The following BIRC3 variants were observed in gnomAD, a reference collection of about 807,000 sequenced individuals.
BIRC3 encodes baculoviral IAP repeat containing 3.
Under a neutral mutation model 59.0 loss-of-function variants are expected in BIRC3, and 26 were observed. The ratio of observed to expected loss-of-function variants is 0.44; its 90% CI spans 0.32 to 0.61. The LOEUF (loss-of-function observed/expected upper bound fraction) is 0.61, where lower values mean the gene tolerates loss of function less well. Ranked by LOEUF, BIRC3 falls within the 20% of genes least tolerant of loss-of-function variation. BIRC3 has a pLI of 0.04. For synonymous variants in BIRC3, 243 were observed against 249.2 expected (o/e 0.98, Z 0.24); for missense variants, 641 against 711.5 (o/e 0.90, Z 1.13).
At chr11:102,317,983 G>A (rs551090019) in intron 1 of BIRC3, among the ~76,000 whole-genome samples, 1 of 152,308 alleles carries the variant, frequency 6.6e-6, no homozygotes, top group South Asian at 2.1e-4. Flanking sequence ...TTTCCAAGCG[G>A]TGGTAGGAAG....
chr11:102,336,124 C>A lies in BIRC3; in HGVS notation c.1483C>A (p.Leu495Met). The A allele has an allele frequency of 6.2e-7, 1 of 1,613,808 alleles. No homozygotes were observed. The highest frequency in any genetic ancestry group is 8.5e-7 in the Non-Finnish European group (1 of 1,179,882). Residue 495 changes from leucine to methionine, a missense_variant, in exon 7 of 9, where the codon CTG becomes ATG. By Grantham distance (15) the Leu-to-Met change is conservative. Around this residue, in one of 4 missense-constraint regions of BIRC3, gnomAD observed 268 missense variants for 255.7 expected, o/e 1.05. Coordinates refer to ENST00000263464, the MANE Select transcript of BIRC3 (RefSeq NM_001165.5). ...ACAGACGTCTTTACAAGCAAGAGAACTGATTGATACGATTTTAGTAAAAGG... is the reference window on the plus strand; with the variant it reads ...ACAGACGTCTTTACAAGCAAGAGAAATGATTGATACGATTTTAGTAAAAGG... ...KTQTSLQARE[L>M]IDTILVKGNI...
chr11:102,326,674 A>T (rs1322181627), intron 3 of BIRC3: 1 of 453,980 alleles, frequency 2.2e-6, no homozygotes, highest in Non-Finnish European at 4.4e-6. Context: ...ATATCGATTA[A>T]TAAATGTGGC....
In BIRC3 at chr11:102,338,596, G is replaced by A. The variant is rs1951222935; in HGVS notation, c.*1494G>A. Reference sequence around the variant, plus strand: ...TAGACACAGGTTGGGGACCCAGCAAGGCCTGTCTGTTCAGATTATTCTTGG... The same window carrying A: ...TAGACACAGGTTGGGGACCCAGCAAAGCCTGTCTGTTCAGATTATTCTTGG... On this transcript the variant is annotated 3_prime_UTR_variant, in exon 9 of 9. Coordinates refer to ENST00000263464, the MANE Select transcript of BIRC3 (RefSeq NM_001165.5). 1 of 228,776 alleles carries A rather than the reference G, an allele frequency of 4.4e-6. No individual in the cohort carries two copies. Among genetic ancestry groups the A allele is most frequent in the South Asian group, 1.8e-4 (1 of 5,496 alleles). The allele number at this position is 228,776 out of a possible 1,614,324, so 14.2% of individuals were successfully genotyped here.
Position 102,336,205 on chromosome 11 carries a change from T to A in BIRC3, c.1564T>A (p.Tyr522Asn). The change falls in exon 7 of 9, where the codon TAT (tyrosine) becomes AAT (asparagine). Residue 522 changes from tyrosine (Y) to asparagine (N), a missense_variant. Tyr to Asn is a moderately radical substitution (Grantham distance 143). Around this residue, in one of 4 missense-constraint regions of BIRC3, gnomAD observed 268 missense variants for 255.7 expected, o/e 1.05. Transcript: ENST00000263464. ...TCTGCAAGAAGCTGAAGCTGTGTTA[T>A]ATGAGCATTTATTTGGTGAGTGATA... Reference protein sequence around the residue: ...NSLQEAEAVLYEHLFVQQDIK... With the variant: ...NSLQEAEAVLNEHLFVQQDIK... 3.8e-6 allele frequency: 6 copies of A among 1,595,926 alleles called. No individual in the cohort carries two copies. The highest frequency in any genetic ancestry group is 5.1e-6 in the Non-Finnish European group (6 of 1,171,680).
rs926322020 is a variant in BIRC3 at position 102,322,244 on chromosome 11, A to G, written c.-2266A>G. 3 of 207,624 alleles carry G rather than the reference A, an allele frequency of 1.4e-5. No individual in the cohort carries two copies. The highest frequency in any genetic ancestry group is 1.2e-4 in the Admixed American group (2 of 16,880). The allele number at this position is 207,624 out of a possible 1,614,324, so 12.9% of individuals were successfully genotyped here. The stretch of plus-strand genomic sequence containing the variant: ...AAAATGAGTGACAGTTATTTGGAAC[A>G]AAGAGCTAATAATCAATCCACTGCA... On this transcript the variant is annotated 5_prime_UTR_variant, in exon 2 of 9. Coordinates refer to ENST00000263464, the MANE Select transcript of BIRC3 (RefSeq NM_001165.5).
rs1951048711 is a variant in BIRC3 at position 102,323,220 on chromosome 11, G to T, written c.-1290G>T. ...ACAAAAAATTTAAAATCTTTGAAAGGTCTTATTTTACAGCCATATCTAAAT... is the reference window on the plus strand; with the variant it reads ...ACAAAAAATTTAAAATCTTTGAAAGTTCTTATTTTACAGCCATATCTAAAT... On this transcript the variant is annotated 5_prime_UTR_variant, in exon 2 of 9. Transcript: ENST00000263464. 5.1e-6 allele frequency: 1 copy of T among 197,850 alleles called. No individual in the cohort carries two copies. The highest frequency in any genetic ancestry group is 1.0e-5 in the Non-Finnish European group (1 of 95,648). 12.3% of individuals were successfully genotyped at this position (197,850 alleles called of 1,614,324 possible).
At chr11:102,335,004 G>C (rs1010105777) in intron 6 of BIRC3, among the ~76,000 whole-genome samples, 3 of 152,142 alleles carry the variant, frequency 2.0e-5, no homozygotes, top group African/African-American at 7.2e-5. Flanking sequence ...ACTTTTGGAG[G>C]CCGGAGTGGG....
At chr11:102,318,082 C>T (rs538879232) in intron 1 of BIRC3, among the ~76,000 whole-genome samples, 1 of 152,168 alleles carries the variant, frequency 6.6e-6, no homozygotes, top group African/African-American at 2.4e-5. Flanking sequence ...AGGCATGTAC[C>T]TGATGCTAAC....
rs1951220359 is a variant in BIRC3, at chr11:102,338,398, C to G, written c.*1296C>G. On this transcript the variant is annotated 3_prime_UTR_variant, in exon 9 of 9. Transcript: ENST00000263464. ...AATCCTATAACAAAAGACAGGTTAA[C>G]AAGAGAAAAACTTAACAAATTTATT... is the stretch of plus-strand genomic sequence containing the variant. The G allele has an allele frequency of 8.7e-6, 2 of 228,594 alleles. No homozygotes were observed. The highest frequency in any genetic ancestry group is 1.7e-5 in the Non-Finnish European group (2 of 115,148). The allele number at this position is 228,594 out of a possible 1,614,324, so 14.2% of individuals were successfully genotyped here. A position where few individuals can be genotyped will look rare whatever the true frequency, so the allele number is the denominator to read the frequency against.
intron 1 of BIRC3, among the ~76,000 whole-genome samples, chr11:102,321,467 G>A (rs1244839049): frequency 6.6e-6 from 1 of 152,050 alleles, no homozygotes; most frequent in Non-Finnish European, 1.5e-5. Flanking sequence ...TGATTCTCCT[G>A]CCTCAGCCTC....
intron 3 of BIRC3, among the ~76,000 whole-genome samples, 184 bp downstream of exon 3, chr11:102,325,749 A>G (rs1951074716): frequency 6.6e-6 from 1 of 152,116 alleles, no homozygotes; most frequent in Non-Finnish European, 1.5e-5. Flanking sequence ...CAACGAAGAA[A>G]TAGATTTGGG....
intron 4 of BIRC3, among the ~76,000 whole-genome samples, chr11:102,328,535 A>G (rs1951107020): frequency 6.6e-6 from 1 of 150,770 alleles, no homozygotes; most frequent in Non-Finnish European, 1.5e-5. Flanking sequence ...TGAGCAATGA[A>G]ACTGATACAG....
At position 102,324,905 on chromosome 11, in the gene BIRC3, A is replaced by T; in HGVS notation, c.396A>T (p.Gly132=). The T allele has an allele frequency of 6.2e-7, 1 of 1,614,222 alleles. No individual in the cohort carries two copies. The highest frequency in any genetic ancestry group is 8.5e-7 in the Non-Finnish European group (1 of 1,180,040). ...TACTTCCGGGTACAGAAAACAGTGG[A>T]TATTTCCGTGGCTCTTATTCAAACT... ...HSLLPGTENS[G]YFRGSYSNSP... Residue 132 remains glycine, a synonymous_variant, in exon 2 of 9, where the codon GGA becomes GGT. Coordinates refer to ENST00000263464, the MANE Select transcript of BIRC3 (RefSeq NM_001165.5).
chr11:102,321,137 T>C (rs1423369621), intron 1 of BIRC3, among the ~76,000 whole-genome samples: 1 of 152,218 alleles, frequency 6.6e-6, no homozygotes, highest in Non-Finnish European at 1.5e-5. Context: ...CATGGTACAA[T>C]GTGAATTTTC....
At chr11:102,326,001 C>T (rs2135785356) in intron 3 of BIRC3, among the ~76,000 whole-genome samples, 1 of 152,090 alleles carries the variant, frequency 6.6e-6, no homozygotes, top group African/African-American at 2.4e-5. Flanking sequence ...AATAAATGTA[C>T]ACCATTTTAC....
rs1951033772 is a variant in BIRC3 at position 102,321,865 on chromosome 11, T to C, written c.-2645T>C. 5.5e-6 allele frequency: 1 copy of C among 181,500 alleles called. No individual in the cohort carries two copies. Among genetic ancestry groups the C allele is most frequent in the Admixed American group, 6.3e-5 (1 of 15,952 alleles). 11.2% of individuals were successfully genotyped at this position (181,500 alleles called of 1,614,324 possible). A position where few individuals can be genotyped will look rare whatever the true frequency, so the allele number is the denominator to read the frequency against. Reference sequence around the variant, plus strand: ...TACAAAGGAGGAAAACGACTTCTTCTAGATTTTTTTTTCAGTTTCTTCTAT... The same window carrying C: ...TACAAAGGAGGAAAACGACTTCTTCCAGATTTTTTTTTCAGTTTCTTCTAT... On this transcript the variant is annotated 5_prime_UTR_variant, in exon 2 of 9. The change abolishes the stop of an existing upstream ORF in the 5' untranslated region. Transcript: ENST00000263464.
Position 102,337,729 on chromosome 11 carries a change from C to A in BIRC3, c.*627C>A, listed in dbSNP as rs1272584560. 7.7e-6 allele frequency: 2 copies of A among 258,356 alleles called. No individual in the cohort carries two copies. The highest frequency in any genetic ancestry group is 1.5e-5 in the Non-Finnish European group (2 of 136,332). The allele number at this position is 258,356 out of a possible 1,614,324, so 16.0% of individuals were successfully genotyped here. On this transcript the variant is annotated 3_prime_UTR_variant, in exon 9 of 9. Transcript: ENST00000263464. ...AAATTTAATAAAGCAACAAAAATTA[C>A]TCTTATTCTTCATTGCTTTATTTCA...
rs939666367 is a variant in BIRC3, at chr11:102,339,367, T to A, written c.*2265T>A. On this transcript the variant is annotated 3_prime_UTR_variant, in exon 9 of 9. Coordinates refer to ENST00000263464, the MANE Select transcript of BIRC3 (RefSeq NM_001165.5). ...TATTTCCCTAAGTGTTATTTTGACA[T>A]TTTGTTTTGGAAAAAATAAATCACC... is the stretch of plus-strand genomic sequence containing the variant. 1 of 177,948 alleles carries A rather than the reference T, an allele frequency of 5.6e-6. No homozygotes were observed. The highest frequency in any genetic ancestry group is 2.4e-5 in the African/African-American group (1 of 42,260). The allele number at this position is 177,948 out of a possible 1,614,324, so 11.0% of individuals were successfully genotyped here.
intron 5 of BIRC3, among the ~76,000 whole-genome samples, chr11:102,329,597 A>C (rs945016698): frequency 2.6e-5 from 4 of 152,214 alleles, no homozygotes; most frequent in Admixed American, 2.6e-4. Context: ...ACCATGGAAT[A>C]CTATGCAGCC....
Sources: allele counts gnomAD v4.1 joint callset (sites outside exome capture counted in the v4.1 genomes callset), GRCh38; gene constraint gnomAD v4.1.1; regional missense constraint gnomAD v4.1.1; transcripts MANE v1.5; gene names NCBI Gene and HGNC (gene_info 2026-07-23, HGNC 2026-07-21).